MXI1: variants seen among roughly 807,000 people sequenced by gnomAD.
MXI1 encodes MAX interactor 1, dimerization protein, also known as max-interacting protein 1.
MXI1 carries 18 observed loss-of-function variants against 36.9 expected under a neutral mutation model. That is an observed-to-expected ratio of 0.49 (90% CI 0.34 to 0.72). MXI1 has a LOEUF of 0.72. MXI1 is among the 30% of genes least tolerant of loss of function. The pLI is 0.01. For synonymous variants in MXI1, 160 were observed against 146.7 expected (o/e 1.09, Z -0.65); for missense variants, 304 against 379.1 (o/e 0.80, Z 1.64).
At chr10:110,227,402 C>A in intron 1 of MXI1, 1 of 983,942 alleles carries the variant, frequency 1.0e-6, no homozygotes, top group Non-Finnish European at 1.2e-6. Flanking sequence ...GGGGGAGGTG[C>A]GAGGGTGCGC....
intron 5 of MXI1, among the ~76,000 whole-genome samples, chr10:110,281,568 A>G (rs1306630176): frequency 1.3e-5 from 2 of 152,238 alleles, no homozygotes; most frequent in Non-Finnish European, 2.9e-5. Flanking sequence ...TTTCTACATA[A>G]CATCTCAAAA....
In MXI1 at chr10:110,285,084, T is replaced by TAAAAC. The variant is rs16448; in HGVS notation, c.*118_*122dup. The stretch of plus-strand genomic sequence containing the variant: ...TGGGTTCATGATGCAGTCTCCTCTT[T>TAAAAC]AAAACAAAACAAAACAAAACAAAAC... On this transcript the variant is annotated 3_prime_UTR_variant, in exon 6 of 6. Transcript: ENST00000332674. 4.4e-4 allele frequency: 400 copies of TAAAAC among 901,574 alleles called. 1 individual carries two copies. Among genetic ancestry groups the TAAAAC allele is most frequent in the South Asian group, 1.8e-3 (71 of 38,962 alleles). The allele number at this position is 901,574 out of a possible 1,614,324, so 55.8% of individuals were successfully genotyped here.
intron 3 of MXI1, among the ~76,000 whole-genome samples, chr10:110,249,368 AGCTGGAACAACT>A (rs1855986890): frequency 6.6e-6 from 1 of 152,082 alleles, no homozygotes; most frequent in African/African-American, 2.4e-5. Context: ...GAGTTAGATA[AGCTGGAACAACT>A]GATACCTCAG....
At chr10:110,260,418 T>TA (rs1232422989) in intron 3 of MXI1, among the ~76,000 whole-genome samples, 119 of 6,700 alleles carry the variant, frequency 0.018, no homozygotes, top group African/African-American at 0.058. Context: ...TTGATACAGG[T>TA]GTGTGTGTGT....
chr10:110,274,688 A>G (rs4918489), intron 3 of MXI1, among the ~76,000 whole-genome samples: 81,071 of 151,828 alleles, frequency 0.53, 24,602 homozygotes, highest in African/African-American at 0.8. Flanking sequence ...TGTTTGTCTA[A>G]TGTTCATCAT....
intron 1 of MXI1, among the ~76,000 whole-genome samples, chr10:110,209,639 G>A (rs534582596): frequency 6.6e-6 from 1 of 152,342 alleles, no homozygotes; most frequent in East Asian, 1.9e-4. Flanking sequence ...GAATCGCTTC[G>A]CAATTATTCA....
At chr10:110,224,548 T>C (rs1025248612) in intron 1 of MXI1, among the ~76,000 whole-genome samples, 9 of 151,920 alleles carry the variant, frequency 5.9e-5, no homozygotes, top group Non-Finnish European at 1.3e-4. Flanking sequence ...TCAATGATGC[T>C]AAAGTTGAGA....
At chr10:110,212,816 C>G (rs1481151449) in intron 1 of MXI1, among the ~76,000 whole-genome samples, 1 of 152,202 alleles carries the variant, frequency 6.6e-6, no homozygotes, top group Non-Finnish European at 1.5e-5. Context: ...ATAGCAACTT[C>G]TCTGAGCTTT....
chr10:110,208,178 C>T lies in MXI1; in HGVS notation c.274+96C>T. 5 of 1,297,750 alleles carry T rather than the reference C, an allele frequency of 3.9e-6. No individual in the cohort carries two copies. The South Asian group carries it at 4.1e-5, about 11-fold the overall frequency. The allele number at this position is 1,297,750 out of a possible 1,614,324, so 80.4% of individuals were successfully genotyped here. ...TTGCGAGCTCGGCCCGTCCCCCCCCCGCCCAACATACACATCCAGCCCTTG... is the reference window on the plus strand; with the variant it reads ...TTGCGAGCTCGGCCCGTCCCCCCCCTGCCCAACATACACATCCAGCCCTTG... On this transcript the variant is annotated intron_variant, in intron 1 of 5. Coordinates refer to ENST00000332674, the MANE Select transcript of MXI1 (RefSeq NM_130439.3).
intron 1 of MXI1, chr10:110,226,188 G>C (rs35741140): frequency 0.18 from 265,002 of 1,463,700 alleles, 25,966 homozygotes; most frequent in African/African-American, 0.37. Flanking sequence ...GCGGAGAGGC[G>C]CCGGTCGCCA....
chr10:110,248,089 G>A (rs892460012), intron 3 of MXI1, among the ~76,000 whole-genome samples: 2 of 152,088 alleles, frequency 1.3e-5, no homozygotes, highest in Admixed American at 6.6e-5. Flanking sequence ...GCAAACTATC[G>A]CAAGGACAAA....
chr10:110,252,157 A>G (rs1164123894), intron 3 of MXI1, among the ~76,000 whole-genome samples: 1 of 152,008 alleles, frequency 6.6e-6, no homozygotes, highest in Non-Finnish European at 1.5e-5. Flanking sequence ...CAAAGGTCTA[A>G]GAAACACTAT....
chr10:110,249,788 C>G (rs187392821), intron 3 of MXI1, among the ~76,000 whole-genome samples: 1 of 152,154 alleles, frequency 6.6e-6, no homozygotes, highest in African/African-American at 2.4e-5. Context: ...TAGTCAAAAC[C>G]TACTACTCTG....
At position 110,216,665 on chromosome 10, in the gene MXI1, G is replaced by GTTTTTTGTTTTGTTTTGTTTTGTTT. The variant is rs1554853670; in HGVS notation, c.274+8589_274+8590insGTTTTGTTTTGTTTTGTTTTTTTTT. Among the ~76,000 whole-genome samples the GTTTTTTGTTTTGTTTTGTTTTGTTT allele has an allele frequency of 9.7e-4, 77 of 79,048 alleles. 3 individuals are homozygous for GTTTTTTGTTTTGTTTTGTTTTGTTT. Among genetic ancestry groups the GTTTTTTGTTTTGTTTTGTTTTGTTT allele is most frequent in the Non-Finnish European group, 1.1e-3 (56 of 49,694 alleles). 51.9% of individuals were successfully genotyped at this position (79,048 alleles called of 152,430 possible). A position where few individuals can be genotyped will look rare whatever the true frequency, so the allele number is the denominator to read the frequency against. On this transcript the variant is annotated intron_variant, in intron 1 of 5. Transcript: ENST00000332674. ...CCTGTCTCCCCTATCTGTGTTTAAT[G>GTTTTTTGTTTTGTTTTGTTTTGTTT]TTTTTTTTTTTTTTTTTTTTGGAGA...
intron 3 of MXI1, among the ~76,000 whole-genome samples, chr10:110,263,874 TG>T (rs1202085450): frequency 1.3e-5 from 2 of 152,224 alleles, no homozygotes; most frequent in Non-Finnish European, 2.9e-5. Flanking sequence ...CATGATCTGC[TG>T]GAACAGTGAT....
At chr10:110,278,731 C>T (rs1311194303) in intron 3 of MXI1, among the ~76,000 whole-genome samples, 1 of 151,184 alleles carries the variant, frequency 6.6e-6, no homozygotes, top group Non-Finnish European at 1.5e-5. Context: ...TGTGTGTGCC[C>T]ACACACGTGC....
chr10:110,243,569 C>T (rs544929357), intron 2 of MXI1, among the ~76,000 whole-genome samples: 1 of 152,140 alleles, frequency 6.6e-6, no homozygotes, highest in South Asian at 2.1e-4. Context: ...TTGACATTAA[C>T]CAGAATCTAC....
intron 2 of MXI1, among the ~76,000 whole-genome samples, chr10:110,232,655 ATG>A (rs1172700676): frequency 1.3e-5 from 2 of 152,184 alleles, no homozygotes; most frequent in Non-Finnish European, 2.9e-5. Context: ...CGTAAATAGT[ATG>A]TGTTTCTTAA....
At chr10:110,228,359 G>A (rs778629318) in intron 2 of MXI1, 38 bp downstream of exon 2, 5 of 1,612,290 alleles carry the variant, frequency 3.1e-6, no homozygotes, top group African/African-American at 1.3e-5. Context: ...GGAACTGGAG[G>A]GAAGGAGCAC....
Sources: allele counts gnomAD v4.1 joint callset (sites outside exome capture counted in the v4.1 genomes callset), GRCh38; gene constraint gnomAD v4.1.1; transcripts MANE v1.5; gene names NCBI Gene and HGNC (gene_info 2026-07-23, HGNC 2026-07-21).